The following SRCAP variants were observed in gnomAD, a reference collection of about 807,000 sequenced individuals.
SRCAP encodes Snf2 related CREBBP activator protein, also known as chromatin remodeling protein SRCAP.
A neutral mutation model predicts 263.1 loss-of-function variants in SRCAP; 46 were observed. That is an observed-to-expected ratio of 0.17 (90% CI 0.14 to 0.22). SRCAP has a LOEUF of 0.22. SRCAP is among the 10% of genes least tolerant of loss of function. The pLI, the probability that SRCAP is intolerant of heterozygous loss-of-function variation, is 1.00. For missense variants in SRCAP, 3,695 were observed against 4,181.9 expected (o/e 0.88, Z 3.21); for synonymous variants, 1,813 against 1,662.1 (o/e 1.09, Z -2.21).
chr16:30,726,129 T>C (rs576712451), intron 25 of SRCAP: 3 of 152,236 alleles, frequency 2.0e-5, no homozygotes, highest in Non-Finnish European at 4.4e-5. Flanking sequence ...TAATGTATAA[T>C]GTGTGGTCCA....
chr16:30,720,073 A>T, intron 18 of SRCAP, 89 bp from the exon 19 acceptor site: 1 of 1,430,500 alleles, frequency 7.0e-7, no homozygotes, highest in Non-Finnish European at 9.6e-7. Flanking sequence ...GTGTTAATTC[A>T]CTTAAGGATA....
Position 30,737,079 on chromosome 16 carries a change from G to A in SRCAP, c.7039G>A (p.Asp2347Asn). ...AGTGGAAGCTGCCCGCAAAGACCTGGACCAAGCCAAGGAGGAGGTGTTCCG... is the reference window on the plus strand; with the variant it reads ...AGTGGAAGCTGCCCGCAAAGACCTGAACCAAGCCAAGGAGGAGGTGTTCCG... ...EQVEAARKDL[D>N]QAKEEVFRLP... is the part of the protein sequence containing the mutation. Residue 2347 changes from aspartate (D) to asparagine (N), a missense_variant, in exon 34 of 34, where the codon GAC becomes AAC. Asp to Asn is a conservative substitution (Grantham distance 23, BLOSUM62 1). Coordinates refer to ENST00000262518, the MANE Select transcript of SRCAP (RefSeq NM_006662.3). 6.2e-7 allele frequency: 1 copy of A among 1,606,614 alleles called. No individual in the cohort carries two copies. Among genetic ancestry groups the A allele is most frequent in the Middle Eastern group, 1.7e-4 (1 of 6,010 alleles).
Position 30,739,470 on chromosome 16 carries a change from C to A in SRCAP, c.9430C>A (p.Pro3144Thr). 1 of 1,614,106 alleles carries A rather than the reference C, an allele frequency of 6.2e-7. No homozygotes were observed. The highest frequency in any genetic ancestry group is 8.5e-7 in the Non-Finnish European group (1 of 1,180,014). Residue 3144 changes from proline (P) to threonine (T), a missense_variant, in exon 34 of 34, where the codon CCA (proline) becomes ACA (threonine). Physicochemically the swap from Pro to Thr is conservative, Grantham distance 38 (BLOSUM62 -1). Around this residue, in one of 12 missense-constraint regions of SRCAP, gnomAD observed 1,207 missense variants for 1,142.9 expected, o/e 1.06. Coordinates refer to ENST00000262518, the MANE Select transcript of SRCAP (RefSeq NM_006662.3). ...GTTGCCTCGCAAACGAGCAGGGGCC[C>A]CAGTTGGTGGGAGTCCTGGGCTGGC... Reference protein sequence around the residue: ...EKLPRKRAGAPVGGSPGLAKR... With the variant: ...EKLPRKRAGATVGGSPGLAKR...
At chr16:30,729,924 T>C (rs2053097734) in intron 27 of SRCAP, among the ~76,000 whole-genome samples, 1 of 152,156 alleles carries the variant, frequency 6.6e-6, no homozygotes, top group Admixed American at 6.6e-5. Context: ...TACGCCACCA[T>C]GCCTGGCTAA....
In SRCAP at chr16:30,740,185, G is replaced by C. The variant is rs756527660; in HGVS notation, c.*452G>C. 6.5e-6 allele frequency: 1 copy of C among 152,762 alleles called. No homozygotes were observed. Among genetic ancestry groups the C allele is most frequent in the Admixed American group, 6.6e-5 (1 of 15,260 alleles). The allele number at this position is 152,762 out of a possible 1,614,324, so 9.5% of individuals were successfully genotyped here. ...CTGGTGGAGGGTTGGGTGGGAACTT[G>C]GGCATCGTTTTTCTCCTCCCTCTTG... is the stretch of plus-strand genomic sequence containing the variant. On this transcript the variant is annotated 3_prime_UTR_variant, in exon 34 of 34. Coordinates refer to ENST00000262518, the MANE Select transcript of SRCAP (RefSeq NM_006662.3).
intron 3 of SRCAP, among the ~76,000 whole-genome samples, chr16:30,703,271 G>A (rs992045535): frequency 2.7e-5 from 4 of 150,092 alleles, no homozygotes; most frequent in East Asian, 4.0e-4. Context: ...TGCAACCTCC[G>A]CCTCCCACGC....
chr16:30,738,249 C>G lies in SRCAP; in HGVS notation c.8209C>G (p.Arg2737Gly), dbSNP rs770652502. 12 of 1,612,820 alleles carry G rather than the reference C, an allele frequency of 7.4e-6. No individual in the cohort carries two copies. Among genetic ancestry groups the G allele is most frequent in the African/African-American group, 6.7e-5 (5 of 74,910 alleles). ...DVEIRGQGTG[R>G]PGQPPGPKVL... Reference sequence around the variant, plus strand: ...GGAAATTAGGGGTCAAGGGACTGGTCGGCCAGGACAACCACCAGGCCCCAA... The same window carrying G: ...GGAAATTAGGGGTCAAGGGACTGGTGGGCCAGGACAACCACCAGGCCCCAA... Residue 2737 changes from arginine to glycine, a missense_variant, in exon 34 of 34, where the codon CGG becomes GGG. Transcript: ENST00000262518.
intron 21 of SRCAP, 145 bp from the exon 22 acceptor site, chr16:30,721,977 C>T: frequency 2.0e-6 from 2 of 1,014,318 alleles, no homozygotes; most frequent in Non-Finnish European, 1.4e-6. Context: ...TAGGTGGAGG[C>T]TGAGTTTATT....
In SRCAP at chr16:30,723,821, C is replaced by T; in HGVS notation, c.4397C>T (p.Ser1466Phe). 1 of 1,614,138 alleles carries T rather than the reference C, an allele frequency of 6.2e-7. No homozygotes were observed. Among genetic ancestry groups the T allele is most frequent in the Non-Finnish European group, 8.5e-7 (1 of 1,180,028 alleles). Residue 1466 changes from serine to phenylalanine, a missense_variant, in exon 25 of 34, where the codon TCT becomes TTT. Ser to Phe is a radical substitution (Grantham distance 155). This residue lies in a region of SRCAP where 1,347 missense variants were observed against 1,304.4 expected (regional missense o/e 1.03). Transcript: ENST00000262518. ...CCCATCTCAGCCCCCTTGACTGTTT[C>T]TGCTTCGGGCCCAGCTCTGTTGACC... ...TIPISAPLTV[S>F]ASGPALLTSV... is the part of the protein sequence containing the mutation.
intron 6 of SRCAP, among the ~76,000 whole-genome samples, chr16:30,708,673 C>T (rs190684407): frequency 1.9e-3 from 296 of 152,236 alleles, no homozygotes; most frequent in African/African-American, 6.7e-3. Context: ...GGATTATAGA[C>T]GTGAGCCACC....
intron 1 of SRCAP, among the ~76,000 whole-genome samples, chr16:30,699,690 A>C (rs1425403552): frequency 6.6e-6 from 1 of 151,888 alleles, no homozygotes; most frequent in African/African-American, 2.4e-5. Flanking sequence ...CTTTACACTT[A>C]AAATTTTTGA....
Position 30,712,348 on chromosome 16 carries a change from G to A in SRCAP, c.1902G>A (p.Glu634=), listed in dbSNP as rs1050263114. The change falls in exon 13 of 34, where the codon GAG becomes GAA. Residue 634 remains glutamate (E), a synonymous_variant. Coordinates refer to ENST00000262518, the MANE Select transcript of SRCAP (RefSeq NM_006662.3). ...TAGACTGGCTGGTTACCATGTATGA[G>A]AAGAAGCTTAATGGCATTCTTGCTG... is the stretch of plus-strand genomic sequence containing the variant. The part of the protein sequence containing the change: ...IGLDWLVTMY[E]KKLNGILADE... The A allele has an allele frequency of 6.2e-7, 1 of 1,613,580 alleles. No homozygotes were observed. Among genetic ancestry groups the A allele is most frequent in the Non-Finnish European group, 8.5e-7 (1 of 1,179,728 alleles).
chr16:30,707,473 T>C, intron 5 of SRCAP, 99 bp from the exon 6 acceptor site: 1 of 1,605,872 alleles, frequency 6.2e-7, no homozygotes, highest in South Asian at 1.1e-5. Context: ...AAGAGCAAAC[T>C]CTTGATTTTC....
In SRCAP at chr16:30,720,972, C is replaced by A; in HGVS notation, c.3247C>A (p.Pro1083Thr). The change falls in exon 20 of 34, where the codon CCC (proline) becomes ACC (threonine). Residue 1083 changes from proline (P) to threonine (T), a missense_variant. Pro to Thr is a conservative substitution (Grantham distance 38). Coordinates refer to ENST00000262518, the MANE Select transcript of SRCAP (RefSeq NM_006662.3). ...PPLQPNSGSL[P>T]QVLPSPLGVL... Reference sequence around the variant, plus strand: ...ACTGCAGCCCAACAGTGGTTCTCTCCCCCAGGGTGAGTTGAAAGGGAGCCA... The same window carrying A: ...ACTGCAGCCCAACAGTGGTTCTCTCACCCAGGGTGAGTTGAAAGGGAGCCA... 6.2e-7 allele frequency: 1 copy of A among 1,600,756 alleles called. No homozygotes were observed. The highest frequency in any genetic ancestry group is 8.5e-7 in the Non-Finnish European group (1 of 1,172,996).
intron 1 of SRCAP, among the ~76,000 whole-genome samples, chr16:30,699,613 G>A (rs2052743258): frequency 6.6e-6 from 1 of 152,116 alleles, no homozygotes; most frequent in African/African-American, 2.4e-5. Context: ...GCACCTTTCT[G>A]AGGTTCTGGA....
intron 3 of SRCAP, among the ~76,000 whole-genome samples, chr16:30,703,267 C>T (rs956737914): frequency 6.6e-5 from 10 of 151,458 alleles, no homozygotes. Context: ...TCACTGCAAC[C>T]TCCGCCTCCC....
chr16:30,716,772 G>A (rs926442654), intron 18 of SRCAP, among the ~76,000 whole-genome samples: 6 of 152,156 alleles, frequency 3.9e-5, no homozygotes, highest in Admixed American at 6.5e-5. Context: ...GGGTATTAAA[G>A]GGTATTAAAT....
Position 30,738,305 on chromosome 16 carries a change from A to T in SRCAP, c.8265A>T (p.Val2755=), listed in dbSNP as rs780291689. The change falls in exon 34 of 34, where the codon GTA becomes GTT. Residue 2755 remains valine, a synonymous_variant. Coordinates refer to ENST00000262518, the MANE Select transcript of SRCAP (RefSeq NM_006662.3). ...TTCGAAAGCTGCCAGGACGGCTGGTAACTGTGGTAGAGGAAAAGGAACTGG... is the reference window on the plus strand; with the variant it reads ...TTCGAAAGCTGCCAGGACGGCTGGTTACTGTGGTAGAGGAAAAGGAACTGG... ...KVLRKLPGRL[V]TVVEEKELVR... The T allele has an allele frequency of 2.2e-5, 35 of 1,596,974 alleles. No individual in the cohort carries two copies. The highest frequency in any genetic ancestry group is 3.0e-5 in the Non-Finnish European group (35 of 1,170,740).
rs1367767064 is a variant in SRCAP at position 30,722,306 on chromosome 16, T to C, written c.3706+20T>C. On this transcript the variant is annotated intron_variant, in intron 22 of 33. Coordinates refer to ENST00000262518, the MANE Select transcript of SRCAP (RefSeq NM_006662.3). ...TGCAAAGTAGGTAAAACCCACCCCC[T>C]GTCCTGCCTTTTTCCTCCTCTTCCC... 1.9e-6 allele frequency: 3 copies of C among 1,605,570 alleles called. No homozygotes were observed. Among genetic ancestry groups the C allele is most frequent in the Non-Finnish European group, 2.6e-6 (3 of 1,175,426 alleles).
Sources: allele counts gnomAD v4.1 joint callset (sites outside exome capture counted in the v4.1 genomes callset), GRCh38; gene constraint gnomAD v4.1.1; regional missense constraint gnomAD v4.1.1; transcripts MANE v1.5; gene names NCBI Gene and HGNC (gene_info 2026-07-23, HGNC 2026-07-21).